Variants in AFDN observed in about 807,000 individuals in gnomAD.
AFDN encodes the protein afadin, adherens junction formation factor.
A neutral mutation model predicts 216.6 loss-of-function variants in AFDN; 68 were observed. That is an observed-to-expected ratio of 0.31 (90% CI 0.26 to 0.38). The LOEUF is 0.38. Ranked by LOEUF, AFDN falls within the 10% of genes least tolerant of loss-of-function variation. The pLI, the probability that AFDN is intolerant of heterozygous loss-of-function variation, is 1.00. For synonymous variants in AFDN, 868 were observed against 853.7 expected (o/e 1.02, Z -0.29); for missense variants, 2,136 against 2,342.0 (o/e 0.91, Z 1.82).
intron 23 of AFDN, among the ~76,000 whole-genome samples, chr6:167,938,646 G>A (rs1239119230): frequency 1.3e-5 from 2 of 152,268 alleles, no homozygotes; most frequent in East Asian, 3.9e-4. Context: ...AATGGTAGAG[G>A]ATTTCGGGTT....
chr6:167,950,362 G>C (rs1795823815), intron 29 of AFDN, among the ~76,000 whole-genome samples: 1 of 151,570 alleles, frequency 6.6e-6, no homozygotes, highest in Non-Finnish European at 1.5e-5. Context: ...TTTTAGACTA[G>C]CCCTTTGGAA....
chr6:167,919,278 A>T (rs1389003228), intron 21 of AFDN, among the ~76,000 whole-genome samples: 1 of 152,228 alleles, frequency 6.6e-6, no homozygotes, highest in East Asian at 1.9e-4. Context: ...TTCCTTTAGC[A>T]CTAAATTGTA....
At chr6:167,947,718 A>ATTT in intron 27 of AFDN, 135 bp from the exon 28 acceptor site, 2 of 490,656 alleles carry the variant, frequency 4.1e-6, no homozygotes, top group South Asian at 2.9e-5. Flanking sequence ...ACCTGCCTTG[A>ATTT]TTTTTTTTTT....
At chr6:167,827,536 C>T (rs1779279420) in intron 1 of AFDN, 1 of 144,956 alleles carries the variant, frequency 6.9e-6, no homozygotes, top group South Asian at 2.1e-4. Flanking sequence ...GGGCCGCCGC[C>T]CCCACCCCCG....
chr6:167,970,758 C>T lies in AFDN; in HGVS notation c.*823C>T, dbSNP rs141218302. On this transcript the variant is annotated 3_prime_UTR_variant, in exon 34 of 34. Coordinates refer to ENST00000683244, the MANE Select transcript of AFDN (RefSeq NM_001386888.1). ...AGTTCACTAATACTTCGCTCCAAGG[C>T]GTCTGTAAAAGAAGATATCTTTATT... 1.3e-4 allele frequency: 29 copies of T among 217,862 alleles called. No individual in the cohort carries two copies. Among genetic ancestry groups the T allele is most frequent in the African/African-American group, 6.1e-4 (27 of 44,534 alleles). 13.5% of individuals were successfully genotyped at this position (217,862 alleles called of 1,614,324 possible).
chr6:167,833,188 CAGGCTGAAA>C (rs939453409), intron 1 of AFDN, among the ~76,000 whole-genome samples: 6 of 152,172 alleles, frequency 3.9e-5, no homozygotes, highest in Non-Finnish European at 7.3e-5. Context: ...AGGGTGGAAG[CAGGCTGAAA>C]AGTACATATT....
chr6:167,853,549 T>A (rs539957565), intron 1 of AFDN, among the ~76,000 whole-genome samples: 1 of 152,204 alleles, frequency 6.6e-6, no homozygotes, highest in East Asian at 1.9e-4. Context: ...GCGATTGTCT[T>A]TTTTTGTTAA....
chr6:167,874,430 C>T (rs1188182201), intron 4 of AFDN, among the ~76,000 whole-genome samples: 1 of 151,912 alleles, frequency 6.6e-6, no homozygotes, highest in Non-Finnish European at 1.5e-5. Context: ...TTAAGTATGT[C>T]AGTTACCTAG....
At chr6:167,889,371 A>T in intron 7 of AFDN, 45 bp downstream of exon 7, 1 of 1,308,462 alleles carries the variant, frequency 7.6e-7, no homozygotes. Context: ...TTCCTATGTG[A>T]TATACCAGGT....
chr6:167,870,743 T>TGTGA lies in AFDN; in HGVS notation c.414+247_414+250dup, dbSNP rs762067426. ...AAGAATATTTATGTAAACTCGTTAC[T>TGTGA]GTGAGATTTAATGATCAGGTGATCA... On this transcript the variant is annotated intron_variant, in intron 3 of 33. Transcript: ENST00000683244. Among the ~76,000 whole-genome samples the TGTGA allele has an allele frequency of 5.3e-5, 8 of 152,336 alleles. No homozygotes were observed. The South Asian group carries it at 1.7e-3, about 32-fold the overall frequency.
At chr6:167,950,497 A>G (rs1254690520) in intron 29 of AFDN, among the ~76,000 whole-genome samples, 1 of 152,064 alleles carries the variant, frequency 6.6e-6, no homozygotes, top group Non-Finnish European at 1.5e-5. Flanking sequence ...GTAGCAATAC[A>G]TTTTGGACCT....
At position 167,948,497 on chromosome 6, in the gene AFDN, C is replaced by T; in HGVS notation, c.3831+19C>T. 1.2e-6 allele frequency: 2 copies of T among 1,607,886 alleles called. No homozygotes were observed. The highest frequency in any genetic ancestry group is 2.2e-5 in the East Asian group (1 of 44,812). ...AATTCAGGTTAGAAATCAAAGATTC[C>T]ACACACTTTTCTCACCTCTCAAGGA... On this transcript the variant is annotated intron_variant, in intron 29 of 33. Coordinates refer to ENST00000683244, the MANE Select transcript of AFDN (RefSeq NM_001386888.1).
At chr6:167,968,682 G>A (rs1415673792) in intron 32 of AFDN, 1 of 170,420 alleles carries the variant, frequency 5.9e-6, no homozygotes, top group Non-Finnish European at 1.3e-5. Context: ...ATTGTTACTT[G>A]GATACACTTA....
intron 32 of AFDN, among the ~76,000 whole-genome samples, chr6:167,966,859 C>G (rs1007853602): frequency 2.0e-5 from 3 of 152,158 alleles, no homozygotes; most frequent in Admixed American, 6.5e-5. Context: ...CAGAGACCCC[C>G]GTTACAGGGA....
intron 1 of AFDN, among the ~76,000 whole-genome samples, chr6:167,833,762 G>A (rs2128094531): frequency 6.6e-6 from 1 of 152,110 alleles, no homozygotes; most frequent in East Asian, 1.9e-4. Flanking sequence ...AAATGAAATG[G>A]GAGTAACAAT....
At chr6:167,864,471 CT>C (rs1184978491) in intron 1 of AFDN, 79 bp from the exon 2 acceptor site, 28 of 1,311,288 alleles carry the variant, frequency 2.1e-5, no homozygotes, top group Non-Finnish European at 3.1e-5. Context: ...AGTGAACAGA[CT>C]TCCTCATTTA....
intron 13 of AFDN, among the ~76,000 whole-genome samples, chr6:167,909,657 CTG>C (rs527491927): frequency 3.3e-5 from 5 of 152,094 alleles, no homozygotes; most frequent in Non-Finnish European, 7.4e-5. Flanking sequence ...ATCAAGATAA[CTG>C]TGTTGACTTT....
chr6:167,931,676 G>A (rs778671875), intron 23 of AFDN, among the ~76,000 whole-genome samples: 24 of 152,086 alleles, frequency 1.6e-4, no homozygotes, highest in Non-Finnish European at 3.4e-4. Flanking sequence ...AGATAACACT[G>A]TATAGTTGAT....
rs1165515877 is a variant in AFDN, at chr6:167,963,795, A to G, written c.4968+1228A>G. On this transcript the variant is annotated intron_variant, in intron 31 of 33. Coordinates refer to ENST00000683244, the MANE Select transcript of AFDN (RefSeq NM_001386888.1). ...GTGTAATGGTAAGTCAACATTGATG[A>G]TCTTTCTAAGGAAATCAGATTTACA... The G allele has an allele frequency of 2.8e-6, 3 of 1,062,696 alleles. 1 individual carries two copies. Among genetic ancestry groups the G allele is most frequent in the South Asian group, 9.1e-5 (2 of 21,970 alleles). The allele number at this position is 1,062,696 out of a possible 1,614,324, so 65.8% of individuals were successfully genotyped here.
Sources: gnomAD v4.1 joint callset for allele counts (sites outside exome capture counted in the v4.1 genomes callset) on GRCh38, gnomAD v4.1.1 for gene constraint, MANE v1.5 for transcripts, NCBI Gene and HGNC (gene_info 2026-07-23, HGNC 2026-07-21) for gene names.